CHST9: variants seen among roughly 807,000 people sequenced by gnomAD.
CHST9 encodes the protein GalNAc-4-sulfotransferase 2.
A neutral mutation model predicts 44.4 loss-of-function variants in CHST9; 41 were observed. That is an observed-to-expected ratio of 0.92 (90% CI 0.72 to 1.20). CHST9 has a LOEUF of 1.20. CHST9 is among the 50% of genes most tolerant of loss of function. The probability of loss-of-function intolerance (pLI) is 0.00; values close to 1 mark genes in which losing one functional copy is unlikely to be tolerated. For missense variants in CHST9, 504 were observed against 516.5 expected, an observed-to-expected ratio of 0.98 and a Z score of 0.23; for synonymous variants, 171 against 178.4, an observed-to-expected ratio of 0.96 and a Z score of 0.33.
chr18:26,974,714 C>T (rs1191014169), intron 4 of CHST9, among the ~76,000 whole-genome samples: 5 of 150,672 alleles, frequency 3.3e-5, no homozygotes, highest in African/African-American at 1.2e-4. Context: ...CACTCTGTCA[C>T]CCAGATTGGA....
At chr18:26,942,941 C>T (rs917134495) in intron 5 of CHST9, among the ~76,000 whole-genome samples, 2 of 152,018 alleles carry the variant, frequency 1.3e-5, no homozygotes, top group South Asian at 2.1e-4. Context: ...AACCTGGTCT[C>T]TACTAAAAAT....
chr18:27,038,537 C>CA (rs547192921), intron 3 of CHST9, among the ~76,000 whole-genome samples: 93 of 146,440 alleles, frequency 6.4e-4, no homozygotes, highest in Non-Finnish European at 2.4e-4. Context: ...GACTCAGTTT[C>CA]AAAAAAAAAA....
chr18:26,960,979 G>A (rs1194973554), intron 4 of CHST9, among the ~76,000 whole-genome samples: 1 of 152,216 alleles, frequency 6.6e-6, no homozygotes, highest in African/African-American at 2.4e-5. Context: ...GCAATGGCTA[G>A]TATTCAGTAA....
chr18:26,936,666 C>T (rs1330100228), intron 5 of CHST9: 1 of 152,030 alleles, frequency 6.6e-6, no homozygotes, highest in Non-Finnish European at 1.5e-5. Context: ...ATAAAATATG[C>T]TAAGCTGAAA....
intron 4 of CHST9, among the ~76,000 whole-genome samples, chr18:26,976,188 C>T (rs1296344643): frequency 2.0e-5 from 3 of 151,994 alleles, no homozygotes; most frequent in African/African-American, 4.8e-5. Flanking sequence ...CTGGTGCATT[C>T]TTAGGACAAA....
chr18:27,125,720 G>A (rs1381256253), intron 2 of CHST9, among the ~76,000 whole-genome samples: 1 of 152,164 alleles, frequency 6.6e-6, no homozygotes, highest in Admixed American at 6.5e-5. Flanking sequence ...TCTCTGAGAC[G>A]GAGCCAAACA....
intron 4 of CHST9, among the ~76,000 whole-genome samples, chr18:26,960,993 C>T (rs117902998): frequency 0.038 from 5,847 of 152,330 alleles, 176 homozygotes; most frequent in Non-Finnish European, 0.058. Flanking sequence ...TCAGTAAGCG[C>T]TTACAACATA....
At position 26,914,460 on chromosome 18, in the gene CHST9, A is replaced by G. The variant is rs2145038994; in HGVS notation, c.*1799T>C. The G allele has an allele frequency of 6.5e-6, 1 of 152,844 alleles. No homozygotes were observed. Among genetic ancestry groups the G allele is most frequent in the South Asian group, 2.1e-4 (1 of 4,836 alleles). The allele number at this position is 152,844 out of a possible 1,614,324, so 9.5% of individuals were successfully genotyped here. The stretch of plus-strand genomic sequence containing the variant: ...CCCTAAATTACTAGGAATCTACTCT[A>G]CATGGTGCAGCAAAATTTTAAATTA... On this transcript the variant is annotated 3_prime_UTR_variant, in exon 6 of 6. Coordinates refer to ENST00000618847, the MANE Select transcript of CHST9 (RefSeq NM_031422.6).
chr18:26,974,947 T>G (rs1347829623), intron 4 of CHST9, among the ~76,000 whole-genome samples: 2 of 152,184 alleles, frequency 1.3e-5, no homozygotes, highest in Admixed American at 1.3e-4. Flanking sequence ...AGTGTTGGGA[T>G]TACAGGCATG....
chr18:27,059,861 C>A (rs537094129), intron 2 of CHST9, among the ~76,000 whole-genome samples: 2 of 152,268 alleles, frequency 1.3e-5, no homozygotes, highest in African/African-American at 4.8e-5. Flanking sequence ...AAGGTTTGGG[C>A]CTCAGACATT....
At chr18:26,929,097 C>T (rs145955989) in intron 5 of CHST9, among the ~76,000 whole-genome samples, 1 of 152,294 alleles carries the variant, frequency 6.6e-6, no homozygotes, top group South Asian at 2.1e-4. Context: ...TATACTCACT[C>T]TTCCTTTGGA....
intron 5 of CHST9, among the ~76,000 whole-genome samples, chr18:26,930,067 C>A (rs752547521): frequency 6.6e-6 from 1 of 152,158 alleles, no homozygotes; most frequent in Non-Finnish European, 1.5e-5. Context: ...TGTGTCAGCA[C>A]CTTTGAGTGA....
chr18:27,018,858 G>C (rs1303555537), intron 4 of CHST9, among the ~76,000 whole-genome samples: 3 of 152,128 alleles, frequency 2.0e-5, no homozygotes, highest in African/African-American at 7.2e-5. Context: ...GAATGGGCCT[G>C]CCAGATATGG....
At position 26,916,629 on chromosome 18, in the gene CHST9, G is replaced by C. The variant is rs2055529440; in HGVS notation, c.962C>G (p.Ala321Gly). The C allele has an allele frequency of 6.2e-7, 1 of 1,613,798 alleles. No homozygotes were observed. The highest frequency in any genetic ancestry group is 1.7e-5 in the Admixed American group (1 of 59,996). The change falls in exon 6 of 6, where the codon GCA (alanine) becomes GGA (glycine). Residue 321 changes from alanine to glycine, a missense_variant. Ala to Gly is a moderately conservative substitution (Grantham distance 60, BLOSUM62 0). Transcript: ENST00000618847. The stretch of plus-strand genomic sequence containing the variant: ...CTTGACTCCAGATCCATTAATTAAT[G>C]CTTCTTCACAGGCATTTGGTCGATA... ...KKYRPNACEEALINGSGVKFK... is the reference protein window; with the variant it reads ...KKYRPNACEEGLINGSGVKFK...
At chr18:27,042,215 A>T (rs180785889) in intron 3 of CHST9, among the ~76,000 whole-genome samples, 2 of 152,234 alleles carry the variant, frequency 1.3e-5, no homozygotes, top group Admixed American at 6.5e-5. Flanking sequence ...GTTAAGCCAG[A>T]TGTGGATCAC....
intron 2 of CHST9, among the ~76,000 whole-genome samples, chr18:27,053,335 T>TAA (rs200925110): frequency 2.0e-5 from 1 of 48,866 alleles, no homozygotes; most frequent in Admixed American, 1.8e-4. Context: ...AAGATTTCAT[T>TAA]AAAAAAAAAA....
intron 2 of CHST9, among the ~76,000 whole-genome samples, chr18:27,142,163 T>C (rs1443407736): frequency 6.6e-6 from 1 of 152,168 alleles, no homozygotes; most frequent in African/African-American, 2.4e-5. Flanking sequence ...ATTAGCAGAA[T>C]TGAGTAGTTG....
intron 4 of CHST9, among the ~76,000 whole-genome samples, chr18:26,989,742 G>A (rs1786614): frequency 0.61 from 92,677 of 151,990 alleles, 28,456 homozygotes; most frequent in East Asian, 0.73. Context: ...TTGAGGCCAG[G>A]AGTTTGAGAC....
At chr18:27,086,734 T>G (rs1170528443) in intron 2 of CHST9, among the ~76,000 whole-genome samples, 1 of 152,126 alleles carries the variant, frequency 6.6e-6, no homozygotes, top group Non-Finnish European at 1.5e-5. Context: ...CATAAAATAA[T>G]TTTTGATTTT....
Sources: allele counts gnomAD v4.1 joint callset (sites outside exome capture counted in the v4.1 genomes callset), GRCh38; gene constraint gnomAD v4.1.1; transcripts MANE v1.5; gene names NCBI Gene and HGNC (gene_info 2026-07-23, HGNC 2026-07-21).